Variants in DMXL2 observed in about 807,000 individuals in gnomAD.
The protein encoded by DMXL2 is dmX-like protein 2.
In DMXL2, 103 loss-of-function variants were observed where a neutral mutation model predicts 331.1. The observed-to-expected ratio is 0.31, with a 90% CI of 0.27 to 0.37. The LOEUF (loss-of-function observed/expected upper bound fraction) is 0.37. DMXL2 is among the 10% of genes least tolerant of loss of function. DMXL2 has a pLI of 1.00. For missense variants in DMXL2, 3,171 were observed against 3,642.9 expected (o/e 0.87, Z 3.33); for synonymous variants, 1,281 against 1,252.1 (o/e 1.02, Z -0.49).
chr15:51,611,810 T>A (rs1450853800), intron 1 of DMXL2, among the ~76,000 whole-genome samples: 1 of 152,222 alleles, frequency 6.6e-6, no homozygotes, highest in African/African-American at 2.4e-5. Flanking sequence ...CAGCGCTCTG[T>A]AAAACACACC....
chr15:51,479,999 A>G lies in DMXL2; in HGVS notation c.6705T>C (p.Tyr2235=). Residue 2235 remains tyrosine (Y), a synonymous_variant, in exon 25 of 44, where the codon TAT becomes TAC. Coordinates refer to ENST00000560891, the MANE Select transcript of DMXL2 (RefSeq NM_001378457.1). ...YLNNHIHDIL[Y]TIVQMKTPPH... ...GTGGTGTTTTCATCTGAACAATAGT[A>G]TAAAGTATATCATGGATGTGATTAT... 2 of 1,575,732 alleles carry G rather than the reference A, an allele frequency of 1.3e-6. No individual in the cohort carries two copies. The highest frequency in any genetic ancestry group is 1.7e-6 in the Non-Finnish European group (2 of 1,151,506).
chr15:51,615,336 A>C (rs2054226434), intron 1 of DMXL2, among the ~76,000 whole-genome samples: 1 of 152,248 alleles, frequency 6.6e-6, no homozygotes. Flanking sequence ...TTATGAGAGA[A>C]GGGAGAAACT....
chr15:51,456,528 C>T (rs534454293), intron 37 of DMXL2, among the ~76,000 whole-genome samples, 159 bp from the exon 38 acceptor site: 26 of 152,320 alleles, frequency 1.7e-4, no homozygotes, highest in African/African-American at 6.3e-4. Context: ...GAACACTTGT[C>T]TGAAGAGGGT....
chr15:51,526,094 A>G (rs1191400902), intron 13 of DMXL2, among the ~76,000 whole-genome samples: 4 of 141,956 alleles, frequency 2.8e-5, no homozygotes, highest in African/African-American at 1.0e-4. Flanking sequence ...TAGATGGCTC[A>G]GAAAAGAGAG....
At chr15:51,568,863 T>C (rs1244184417) in intron 2 of DMXL2, among the ~76,000 whole-genome samples, 1 of 151,028 alleles carries the variant, frequency 6.6e-6, no homozygotes, top group Admixed American at 6.6e-5. Flanking sequence ...CCCAACGAGA[T>C]GGACACAGAA....
Position 51,499,409 on chromosome 15 carries a change from G to T in DMXL2, c.3815C>A (p.Ala1272Glu), listed in dbSNP as rs147622284. The change falls in exon 18 of 44, where the codon GCA becomes GAA. Residue 1272 changes from alanine (A) to glutamate (E), a missense_variant. Physicochemically the swap from Ala to Glu is moderately radical, Grantham distance 107. Around this residue, in one of 7 missense-constraint regions of DMXL2, gnomAD observed 1,674 missense variants for 1,780.2 expected, o/e 0.94. Coordinates refer to ENST00000560891, the MANE Select transcript of DMXL2 (RefSeq NM_001378457.1). Reference protein sequence around the residue: ...VGMDCEMHVYAQWKHAVKFGD... With the variant: ...VGMDCEMHVYEQWKHAVKFGD... ...AAATTTGACAGCATGCTTCCACTGTGCATATACATGCATTTCACAATCCAT... is the reference window on the plus strand; with the variant it reads ...AAATTTGACAGCATGCTTCCACTGTTCATATACATGCATTTCACAATCCAT... 1.2e-6 allele frequency: 2 copies of T among 1,613,738 alleles called. No individual in the cohort carries two copies. Among genetic ancestry groups the T allele is most frequent in the African/African-American group, 1.3e-5 (1 of 74,920 alleles).
In DMXL2 at chr15:51,527,495, G is replaced by A. The variant is rs530578112; in HGVS notation, c.2436+8168C>T. ...TGTAATCCTAGCACTTTGGGAGGCC[G>A]AGGAGGGCAGATTGCCTGAGTTCAG... On this transcript the variant is annotated intron_variant, in intron 13 of 43. Transcript: ENST00000560891. Among the ~76,000 whole-genome samples the A allele has an allele frequency of 2.3e-4, 35 of 152,268 alleles. No individual in the cohort carries two copies. In the East Asian group the frequency reaches 6.4e-3, roughly 28 times the overall value.
At chr15:51,470,606 T>C (rs976173556) in intron 29 of DMXL2, among the ~76,000 whole-genome samples, 13 of 152,136 alleles carry the variant, frequency 8.5e-5, no homozygotes, top group African/African-American at 2.9e-4. Context: ...CTCATGTGTA[T>C]GCACAGCAAG....
Position 51,586,867 on chromosome 15 carries a change from C to T in DMXL2, c.88-10686G>A, listed in dbSNP as rs368443378. Among the ~76,000 whole-genome samples, 7 of 151,740 alleles carry T rather than the reference C, an allele frequency of 4.6e-5. No individual in the cohort carries two copies. In the East Asian group the frequency reaches 7.8e-4, roughly 17 times the overall value. On this transcript the variant is annotated intron_variant, in intron 1 of 43. Transcript: ENST00000560891. ...CTGCATTCTCAATAAAAGGTAGATC[C>T]GGAAGTGGAAATCAAAAATCTTATA...
Position 51,514,680 on chromosome 15 carries a change from C to T in DMXL2, c.2527-121G>A, listed in dbSNP as rs535613564. 4 of 645,732 alleles carry T rather than the reference C, an allele frequency of 6.2e-6. No individual in the cohort carries two copies. The South Asian group carries it at 7.2e-5, about 12-fold the overall frequency. The allele number at this position is 645,732 out of a possible 1,614,324, so 40.0% of individuals were successfully genotyped here. On this transcript the variant is annotated intron_variant, in intron 14 of 43. Transcript: ENST00000560891. ...TATATCTAACAATTTCTATTCTTTA[C>T]CACTACTAATTAGAAAGAAAAAAGC...
intron 1 of DMXL2, among the ~76,000 whole-genome samples, chr15:51,615,529 C>T (rs1028629394): frequency 6.6e-6 from 1 of 152,180 alleles, no homozygotes. Context: ...TTGGCAGTAC[C>T]AATTCCCCAC....
In DMXL2 at chr15:51,612,298, G is replaced by A. The variant is rs148685091; in HGVS notation, c.87+10161C>T. Among the ~76,000 whole-genome samples the A allele has an allele frequency of 2.3e-3, 347 of 152,270 alleles. 2 individuals carry two copies. The highest frequency in any genetic ancestry group is 8.1e-3 in the African/African-American group (336 of 41,542). Reference sequence around the variant, plus strand: ...TAGCACTATTTAATACTGCCAGGAAGAATGGCTATAGTTCAATTATTCCAT... The same window carrying A: ...TAGCACTATTTAATACTGCCAGGAAAAATGGCTATAGTTCAATTATTCCAT... On this transcript the variant is annotated intron_variant, in intron 1 of 43. Coordinates refer to ENST00000560891, the MANE Select transcript of DMXL2 (RefSeq NM_001378457.1).
intron 6 of DMXL2, among the ~76,000 whole-genome samples, chr15:51,554,679 T>TA (rs1353731253): frequency 6.6e-6 from 1 of 152,124 alleles, no homozygotes; most frequent in Admixed American, 6.5e-5. Context: ...TGAGGCAAAT[T>TA]AGATGGAGTG....
intron 15 of DMXL2, among the ~76,000 whole-genome samples, chr15:51,508,172 T>C (rs1053905468): frequency 6.6e-6 from 1 of 151,882 alleles, no homozygotes; most frequent in African/African-American, 2.4e-5. Context: ...CATCAGGGCC[T>C]GTTTGGGGGT....
At chr15:51,463,208 G>A in intron 33 of DMXL2, 171 bp downstream of exon 33, 1 of 471,936 alleles carries the variant, frequency 2.1e-6, no homozygotes, top group East Asian at 4.1e-5. Context: ...TCATTGCTAT[G>A]AAATGAAAAT....
chr15:51,577,272 T>A (rs2051111562), intron 1 of DMXL2, among the ~76,000 whole-genome samples: 1 of 152,088 alleles, frequency 6.6e-6, no homozygotes, highest in Non-Finnish European at 1.5e-5. Context: ...TGTGATGACA[T>A]CTGAATCAGT....
intron 18 of DMXL2, among the ~76,000 whole-genome samples, chr15:51,497,449 G>T (rs1206301455): frequency 2.6e-5 from 4 of 152,110 alleles, no homozygotes; most frequent in Non-Finnish European, 5.9e-5. Context: ...AAGGATCAGT[G>T]TCTTCATCTA....
rs145678891 is a variant in DMXL2, at chr15:51,536,272, C to T, written c.2208G>A (p.Leu736=). 1.2e-6 allele frequency: 2 copies of T among 1,613,870 alleles called. No homozygotes were observed. Among genetic ancestry groups the T allele is most frequent in the African/African-American group, 1.3e-5 (1 of 74,894 alleles). The change falls in exon 12 of 44, where the codon TTG becomes TTA. Residue 736 remains leucine (L), a synonymous_variant. Transcript: ENST00000560891. ...ATTCTGATACTCCTCCAGTGTATGA[C>T]AAAGGTCCTATTGGGTCTACACGCC... The part of the protein sequence containing the change: ...ILWRVDPIGP[L]SYTGGVSELA...
chr15:51,520,957 T>C (rs981743780), intron 13 of DMXL2, among the ~76,000 whole-genome samples: 1 of 152,212 alleles, frequency 6.6e-6, no homozygotes, highest in African/African-American at 2.4e-5. Flanking sequence ...AACCATTTCC[T>C]CCTGAATCTT....
Sources: gnomAD v4.1 joint callset for allele counts (sites outside exome capture counted in the v4.1 genomes callset) on GRCh38, gnomAD v4.1.1 for gene constraint, gnomAD v4.1.1 regional missense constraint, MANE v1.5 for transcripts, NCBI Gene and HGNC (gene_info 2026-07-23, HGNC 2026-07-21) for gene names.